Variants in FBXO42 observed in about 807,000 individuals in gnomAD.
The protein encoded by FBXO42 is F-box only protein 42.
Under a neutral mutation model 71.7 loss-of-function variants are expected in FBXO42, and 12 were observed. The ratio of observed to expected loss-of-function variants is 0.17; its 90% CI spans 0.11 to 0.27. The LOEUF (loss-of-function observed/expected upper bound fraction) is 0.27. Ranked by LOEUF, FBXO42 falls within the 10% of genes least tolerant of loss-of-function variation. FBXO42 has a pLI of 1.00. For missense variants in FBXO42, 707 were observed against 911.9 expected (o/e 0.78, Z 2.89); for synonymous variants, 325 against 327.5 (o/e 0.99, Z 0.08).
At chr1:16,259,765 C>CA (rs562076269) in intron 4 of FBXO42, among the ~76,000 whole-genome samples, 10,633 of 69,518 alleles carry the variant, frequency 0.15, 1,393 homozygotes, top group African/African-American at 0.4. Flanking sequence ...GACTCTGTCT[C>CA]AAAAAAAAAA....
chr1:16,344,258 A>C (rs1007824241), intron 1 of FBXO42, among the ~76,000 whole-genome samples: 12 of 151,650 alleles, frequency 7.9e-5, no homozygotes, highest in African/African-American at 2.4e-4. Context: ...TCAGCCTCCC[A>C]AAGTGCTGGG....
intron 1 of FBXO42, among the ~76,000 whole-genome samples, chr1:16,316,604 G>A (rs922240760): frequency 6.6e-6 from 1 of 150,962 alleles, no homozygotes; most frequent in African/African-American, 2.4e-5. Context: ...GTGTAGTGGC[G>A]CGTGCCTGTA....
intron 4 of FBXO42, among the ~76,000 whole-genome samples, chr1:16,264,746 T>A (rs1240163644): frequency 6.6e-6 from 1 of 152,232 alleles, no homozygotes; most frequent in Non-Finnish European, 1.5e-5. Context: ...AAAAGGCAGC[T>A]GTGGCAAACT....
chr1:16,304,202 C>T lies in FBXO42; in HGVS notation c.367+1601G>A, dbSNP rs900016872. Among the ~76,000 whole-genome samples the T allele has an allele frequency of 3.3e-5, 5 of 151,718 alleles. No homozygotes were observed. The East Asian group carries it at 5.8e-4, about 18-fold the overall frequency. On this transcript the variant is annotated intron_variant, in intron 3 of 9. Coordinates refer to ENST00000375592, the MANE Select transcript of FBXO42 (RefSeq NM_018994.3). Reference sequence around the variant, plus strand: ...TGCAATCTCGGCTCACTGCAACCTCCGCCTCCCAGGTTCAAGCAGTTCTCC... The same window carrying T: ...TGCAATCTCGGCTCACTGCAACCTCTGCCTCCCAGGTTCAAGCAGTTCTCC...
intron 4 of FBXO42, among the ~76,000 whole-genome samples, chr1:16,271,248 TGTGTGTGTTG>T (rs1303841075): frequency 7.2e-6 from 1 of 137,964 alleles, no homozygotes; most frequent in Admixed American, 8.0e-5. Flanking sequence ...ACTGTGTGCG[TGTGTGTGTTG>T]GTGTGTGTGT....
Position 16,250,485 on chromosome 1 carries a change from AT to A in FBXO42, c.*184del, listed in dbSNP as rs1273705105. On this transcript the variant is annotated 3_prime_UTR_variant, in exon 10 of 10. Transcript: ENST00000375592. The surrounding 1 kb of genome is among the most constrained non-coding windows in gnomAD (Gnocchi z 4.7). Reference sequence around the variant, plus strand: ...AGAGTTGGCTATATAATATATATATATATATTTATATATAATTTTTTTTCTT... The same window carrying A: ...AGAGTTGGCTATATAATATATATATAATATTTATATATAATTTTTTTTCTT... 5.7e-6 allele frequency: 1 copy of A among 175,764 alleles called. No individual in the cohort carries two copies. Among genetic ancestry groups the A allele is most frequent in the East Asian group, 1.5e-4 (1 of 6,530 alleles). 10.9% of individuals were successfully genotyped at this position (175,764 alleles called of 1,614,324 possible).
At chr1:16,288,338 A>C (rs1022834958) in intron 4 of FBXO42, among the ~76,000 whole-genome samples, 1 of 151,850 alleles carries the variant, frequency 6.6e-6, no homozygotes, top group Middle Eastern at 3.2e-3. Context: ...GCTGAGGCAG[A>C]AGAATCACTT....
chr1:16,305,255 G>A (rs75620083), intron 3 of FBXO42, among the ~76,000 whole-genome samples: 7,956 of 152,042 alleles, frequency 0.052, 637 homozygotes, highest in African/African-American at 0.18. Context: ...AGGCGTGGTG[G>A]CATGCACCTG....
chr1:16,341,903 G>A (rs915313322), intron 1 of FBXO42, among the ~76,000 whole-genome samples: 7 of 150,606 alleles, frequency 4.6e-5, no homozygotes, highest in African/African-American at 1.5e-4. Context: ...CCTGGGAGGC[G>A]GAGGTCGCGA....
At chr1:16,286,387 C>T (rs1557585018) in intron 4 of FBXO42, among the ~76,000 whole-genome samples, 1 of 152,136 alleles carries the variant, frequency 6.6e-6, no homozygotes, top group Non-Finnish European at 1.5e-5. Context: ...GAAACAGGCA[C>T]CTTCTTCCCA....
In FBXO42 at chr1:16,252,233, G is replaced by A. The variant is rs1316612914; in HGVS notation, c.1038+55C>T. On this transcript the variant is annotated intron_variant, in intron 9 of 9. Transcript: ENST00000375592. This position sits in a 1 kb window ranked among gnomAD's most constrained non-coding sequence, Gnocchi z 4.4. ...TCTTTGTAACCTGACAAAGTAATGT[G>A]GTTTTCCACAATTTAGGACCTGTCC... is the stretch of plus-strand genomic sequence containing the variant. 1 of 1,316,886 alleles carries A rather than the reference G, an allele frequency of 7.6e-7. No homozygotes were observed. Among genetic ancestry groups the A allele is most frequent in the East Asian group, 2.3e-5 (1 of 43,016 alleles). 81.6% of individuals were successfully genotyped at this position (1,316,886 alleles called of 1,614,324 possible).
intron 1 of FBXO42, among the ~76,000 whole-genome samples, chr1:16,340,103 G>A (rs1295344611): frequency 6.6e-6 from 1 of 151,942 alleles, no homozygotes; most frequent in Non-Finnish European, 1.5e-5. Flanking sequence ...GTGAACCCGG[G>A]ATGCGGAGCT....
At chr1:16,348,093 G>GT (rs1216291721) in intron 1 of FBXO42, among the ~76,000 whole-genome samples, 3 of 151,858 alleles carry the variant, frequency 2.0e-5, no homozygotes, top group African/African-American at 7.3e-5. Flanking sequence ...TGACTTGTCT[G>GT]TAAGTCATAT....
At chr1:16,291,260 T>C (rs573452862) in intron 4 of FBXO42, among the ~76,000 whole-genome samples, 15 of 152,342 alleles carry the variant, frequency 9.8e-5, no homozygotes, top group East Asian at 9.6e-4. Flanking sequence ...GAAGGACTAA[T>C]TGACATTTCA....
chr1:16,286,811 C>T (rs1490977541), intron 4 of FBXO42, among the ~76,000 whole-genome samples: 1 of 152,172 alleles, frequency 6.6e-6, no homozygotes, highest in Non-Finnish European at 1.5e-5. Flanking sequence ...TCCACCCTTT[C>T]AAATGCCCAG....
chr1:16,320,717 G>A (rs1430069033), intron 1 of FBXO42, among the ~76,000 whole-genome samples: 2 of 151,090 alleles, frequency 1.3e-5, no homozygotes, highest in African/African-American at 4.9e-5. Context: ...GGAGTGCAGT[G>A]GCATGATCAA....
intron 4 of FBXO42, among the ~76,000 whole-genome samples, chr1:16,270,147 C>T (rs537984953): frequency 6.6e-6 from 1 of 152,234 alleles, no homozygotes; most frequent in East Asian, 1.9e-4. Flanking sequence ...TGAGCCACCA[C>T]GCCCAGCCAC....
chr1:16,278,995 C>T (rs925540029), intron 4 of FBXO42, among the ~76,000 whole-genome samples: 3 of 152,018 alleles, frequency 2.0e-5, no homozygotes, highest in African/African-American at 7.2e-5. Context: ...AGGCTGGTCT[C>T]GAACTCCCGA....
rs537447737 is a variant in FBXO42 at position 16,347,514 on chromosome 1, A to AAAAC, written c.-18+4737_-18+4740dup. ...AGGCAACAGAGAGAGACTTCCTCTC[A>AAAAC]AAACAAACAAACAAACAAACAAACA... On this transcript the variant is annotated intron_variant, in intron 1 of 9. Coordinates refer to ENST00000375592, the MANE Select transcript of FBXO42 (RefSeq NM_018994.3). Among the ~76,000 whole-genome samples the AAAAC allele has an allele frequency of 2.4e-3, 372 of 152,098 alleles. 2 individuals carry two copies. The highest frequency in any genetic ancestry group is 0.017 in the Middle Eastern group (5 of 292).
Sources: allele counts gnomAD v4.1 joint callset (sites outside exome capture counted in the v4.1 genomes callset), GRCh38; gene constraint gnomAD v4.1.1; non-coding constraint Gnocchi (gnomAD v3.1); transcripts MANE v1.5; gene names NCBI Gene and HGNC (gene_info 2026-07-23, HGNC 2026-07-21).